LTBP2: variants seen among roughly 807,000 people sequenced by gnomAD.
LTBP2 encodes latent transforming growth factor beta binding protein 2, also known as latent-transforming growth factor beta-binding protein 2.
In LTBP2, 103 loss-of-function variants were observed where a neutral mutation model predicts 210.6. The ratio of observed to expected loss-of-function variants is 0.49; its 90% CI spans 0.42 to 0.58. The LOEUF (loss-of-function observed/expected upper bound fraction) is 0.58, where lower values mean the gene tolerates loss of function less well. LTBP2 is among the 20% of genes least tolerant of loss of function. The probability of loss-of-function intolerance (pLI) is 0.00; values close to 1 mark genes in which losing one functional copy is unlikely to be tolerated. For synonymous variants in LTBP2, 1,007 were observed against 1,015.0 expected, an observed-to-expected ratio of 0.99 and a Z score of 0.15; for missense variants, 2,313 against 2,494.5, an observed-to-expected ratio of 0.93 and a Z score of 1.55.
At chr14:74,593,277 A>T (rs544879547) in intron 2 of LTBP2, among the ~76,000 whole-genome samples, 1 of 152,274 alleles carries the variant, frequency 6.6e-6, no homozygotes, top group Non-Finnish European at 1.5e-5. Flanking sequence ...CACCCCATGC[A>T]GGCTGCTCCT....
intron 7 of LTBP2, among the ~76,000 whole-genome samples, chr14:74,550,386 G>A (rs1322798775): frequency 6.6e-6 from 1 of 152,212 alleles, no homozygotes; most frequent in African/African-American, 2.4e-5. Flanking sequence ...GATGATCTGG[G>A]AATTCAGGGT....
intron 9 of LTBP2, 75 bp downstream of exon 9, chr14:74,535,851 C>G: frequency 7.4e-7 from 1 of 1,359,472 alleles, no homozygotes; most frequent in Non-Finnish European, 1.0e-6. Flanking sequence ...CGGCCAGTGA[C>G]AGACACCCCT....
chr14:74,584,034 T>C (rs1566649236), intron 3 of LTBP2, among the ~76,000 whole-genome samples: 1 of 152,130 alleles, frequency 6.6e-6, no homozygotes, highest in Non-Finnish European at 1.5e-5. Context: ...AGGCTAACTG[T>C]AGTTTGGACC....
intron 17 of LTBP2, among the ~76,000 whole-genome samples, chr14:74,521,448 T>C (rs2087201720): frequency 6.6e-6 from 1 of 152,032 alleles, no homozygotes; most frequent in Non-Finnish European, 1.5e-5. Context: ...CCCAGGGAAG[T>C]GCAAAGCCCT....
intron 8 of LTBP2, among the ~76,000 whole-genome samples, chr14:74,537,099 G>C (rs899986184): frequency 2.0e-5 from 3 of 150,714 alleles, no homozygotes; most frequent in Non-Finnish European, 4.4e-5. Context: ...ATTATTCTCA[G>C]TATTTTTATG....
Position 74,564,408 on chromosome 14 carries a change from A to T in LTBP2, c.831-8715T>A, listed in dbSNP as rs192906294. The stretch of plus-strand genomic sequence containing the variant: ...ATATTTTATATATTTTTATATATAT[A>T]TTTTGAGACAGAGTCTCACTCTGTT... On this transcript the variant is annotated intron_variant, in intron 3 of 35. Transcript: ENST00000261978. Among the ~76,000 whole-genome samples, 142 of 112,544 alleles carry T rather than the reference A, an allele frequency of 1.3e-3. 1 individual carries two copies. The highest frequency in any genetic ancestry group is 4.9e-3 in the African/African-American group (139 of 28,296). The allele number at this position is 112,544 out of a possible 152,430, so 73.8% of individuals were successfully genotyped here. A position where few individuals can be genotyped will look rare whatever the true frequency, so the allele number is the denominator to read the frequency against.
At chr14:74,518,304 T>G (rs2087160015) in intron 17 of LTBP2, among the ~76,000 whole-genome samples, 1 of 152,178 alleles carries the variant, frequency 6.6e-6, no homozygotes, top group African/African-American at 2.4e-5. Context: ...ATTATCCTAG[T>G]GTTAAACCCC....
chr14:74,570,506 C>T (rs904109875), intron 3 of LTBP2, among the ~76,000 whole-genome samples: 4 of 152,230 alleles, frequency 2.6e-5, no homozygotes, highest in Non-Finnish European at 5.9e-5. Flanking sequence ...AAATTTACCC[C>T]GGGGCCATAA....
intron 2 of LTBP2, among the ~76,000 whole-genome samples, chr14:74,594,942 C>G (rs2088337657): frequency 6.6e-6 from 1 of 152,216 alleles, no homozygotes; most frequent in Non-Finnish European, 1.5e-5. Context: ...AGGGGCTCAC[C>G]CAGCTCCCAC....
chr14:74,540,867 T>TATATAA (rs2087495122), intron 8 of LTBP2, among the ~76,000 whole-genome samples: 1 of 67,524 alleles, frequency 1.5e-5, no homozygotes, highest in Non-Finnish European at 2.9e-5. Flanking sequence ...TTATATATAT[T>TATATAA]TATATATATA....
At chr14:74,575,136 A>G (rs908437943) in intron 3 of LTBP2, among the ~76,000 whole-genome samples, 1 of 152,196 alleles carries the variant, frequency 6.6e-6, no homozygotes. Flanking sequence ...GCATAGCTAG[A>G]CCGTGTGCCC....
rs557762925 is a variant in LTBP2 at position 74,605,736 on chromosome 14, A to T, written c.495-2031T>A. Among the ~76,000 whole-genome samples, 11 of 152,232 alleles carry T rather than the reference A, an allele frequency of 7.2e-5. No homozygotes were observed. The South Asian group carries it at 2.3e-3, about 32-fold the overall frequency. On this transcript the variant is annotated intron_variant, in intron 1 of 35. Transcript: ENST00000261978. ...AAGGAGGCCCCCTGAGCCAGCCGTC[A>T]CCCCAGCTGCCCTCAGGATGGCTTT... is the stretch of plus-strand genomic sequence containing the variant.
chr14:74,603,425 C>T (rs1332521732), intron 2 of LTBP2, among the ~76,000 whole-genome samples: 1 of 152,194 alleles, frequency 6.6e-6, no homozygotes, highest in Non-Finnish European at 1.5e-5. Flanking sequence ...CCGCTCCCGG[C>T]CCCAGCTAGA....
At chr14:74,608,552 T>C (rs1317114647) in intron 1 of LTBP2, among the ~76,000 whole-genome samples, 2 of 151,142 alleles carry the variant, frequency 1.3e-5, no homozygotes, top group East Asian at 3.9e-4. Context: ...CTACTAAAAA[T>C]ACAAAAAATT....
At position 74,586,972 on chromosome 14, in the gene LTBP2, C is replaced by G. The variant is rs142039500; in HGVS notation, c.566-854G>C. 5.1e-3 allele frequency among the ~76,000 whole-genome samples: 775 copies of G among 152,334 alleles called. 10 individuals are homozygous for G. The highest frequency in any genetic ancestry group is 0.018 in the African/African-American group (739 of 41,568). On this transcript the variant is annotated intron_variant, in intron 2 of 35. Transcript: ENST00000261978. This position sits in a 1 kb window ranked among gnomAD's most constrained non-coding sequence, Gnocchi z 4.6. ...GCCGGAGGCAAGGTGGAGCTGAAAC[C>G]AGGCCCTCCTCCCGGTTAGCCCTAT... is the stretch of plus-strand genomic sequence containing the variant.
chr14:74,580,253 G>C (rs1249944021), intron 3 of LTBP2, among the ~76,000 whole-genome samples: 1 of 152,150 alleles, frequency 6.6e-6, no homozygotes, highest in East Asian at 1.9e-4. Context: ...GATGCGGGTT[G>C]AATTGTGTCC....
rs2087652719 is a variant in LTBP2, at chr14:74,551,284, T to G, written c.1466A>C (p.His489Pro). 6.2e-7 allele frequency: 1 copy of G among 1,608,440 alleles called. No individual in the cohort carries two copies. Among genetic ancestry groups the G allele is most frequent in the South Asian group, 1.1e-5 (1 of 90,056 alleles). Residue 489 changes from histidine to proline, a missense_variant, in exon 7 of 36, where the codon CAC becomes CCC. Physicochemically the swap from His to Pro is moderately conservative, Grantham distance 77. This residue lies in a region of LTBP2 where 1,867 missense variants were observed against 1,976.9 expected (regional missense o/e 0.94). Coordinates refer to ENST00000261978, the MANE Select transcript of LTBP2 (RefSeq NM_000428.3). Reference protein sequence around the residue: ...HHPPEASVQIHQVAQVRGGVE... With the variant: ...HHPPEASVQIPQVAQVRGGVE... ...CCCGCCCCGCACCTGGGCCACCTGG[T>G]GGATCTGCACTGAGGCCTCGGGTGG...
At position 74,506,738 on chromosome 14, in the gene LTBP2, G is replaced by A. The variant is rs1405263199; in HGVS notation, c.3993C>T (p.Asp1331=). Reference sequence around the variant, plus strand: ...CTGAGGGAGAGATCTCGAAGCCCTGGTCACAGAGGCAGCGGAAGGAGCCAT... The same window carrying A: ...CTGAGGGAGAGATCTCGAAGCCCTGATCACAGAGGCAGCGGAAGGAGCCAT... ...NTDGSFRCLC[D]QGFEISPSGW... is the part of the protein sequence containing the mutation. Residue 1331 remains aspartate, a synonymous_variant, in exon 27 of 36, where the codon GAC becomes GAT. Transcript: ENST00000261978. The A allele has an allele frequency of 1.2e-5, 20 of 1,614,016 alleles. No homozygotes were observed. The highest frequency in any genetic ancestry group is 1.7e-5 in the Non-Finnish European group (20 of 1,180,032).
intron 30 of LTBP2, 100 bp from the exon 31 acceptor site, chr14:74,504,154 T>A: frequency 6.8e-7 from 1 of 1,472,816 alleles, no homozygotes; most frequent in South Asian, 1.2e-5. Context: ...ATCCCAGCTC[T>A]GCCACTTACT....
Sources: gnomAD v4.1 joint callset for allele counts (sites outside exome capture counted in the v4.1 genomes callset) on GRCh38, gnomAD v4.1.1 for gene constraint, gnomAD v4.1.1 regional missense constraint, Gnocchi (gnomAD v3.1) non-coding constraint, MANE v1.5 for transcripts, NCBI Gene and HGNC (gene_info 2026-07-23, HGNC 2026-07-21) for gene names.